Variants in SIRPG observed in about 807,000 individuals in gnomAD.
SIRPG encodes signal-regulatory protein gamma.
SIRPG carries 38 observed loss-of-function variants against 35.7 expected under a neutral mutation model. That is an observed-to-expected ratio of 1.06 (90% CI 0.82 to 1.40). The LOEUF (loss-of-function observed/expected upper bound fraction) is 1.40, where lower values mean the gene tolerates loss of function less well. SIRPG is among the 40% of genes most tolerant of loss of function. The probability of loss-of-function intolerance (pLI) is 0.00; values close to 1 mark genes in which losing one functional copy is unlikely to be tolerated. For missense variants in SIRPG, 519 were observed against 483.0 expected, an observed-to-expected ratio of 1.07 and a Z score of -0.70; for synonymous variants, 215 against 190.4, an observed-to-expected ratio of 1.13 and a Z score of -1.06.
chr20:1,682,912 G>A, the SIRPG span, among the ~76,000 whole-genome samples: 486 of 152,298 alleles, frequency 3.2e-3, 4 homozygotes, highest in African/African-American at 0.011. Context: ...AGAAATGAAT[G>A]TGGGATTACA....
chr20:1,659,677 G>A (rs978825781), upstream of SIRPG, among the ~76,000 whole-genome samples: 4 of 152,134 alleles, frequency 2.6e-5, no homozygotes, highest in Admixed American at 1.3e-4. Flanking sequence ...AAGATCACCC[G>A]GCTTTTAGAA....
chr20:1,657,632 C>T lies in SIRPG; in HGVS notation c.73+10G>A, dbSNP rs763066088. On this transcript the variant is annotated intron_variant, in intron 1 of 5. Coordinates refer to ENST00000303415, the MANE Select transcript of SIRPG (RefSeq NM_018556.4). ...AGGGAGAAAGGGTTCTAGCCCAATG[C>T]AATGCTCACCTGTAAGTCCCAGCAG... The T allele has an allele frequency of 6.2e-7, 1 of 1,613,946 alleles. No homozygotes were observed. Among genetic ancestry groups the T allele is most frequent in the Admixed American group, 1.7e-5 (1 of 60,020 alleles).
At chr20:1,663,007 G>C in the SIRPG span, among the ~76,000 whole-genome samples, 9 of 150,608 alleles carry the variant, frequency 6.0e-5, no homozygotes, top group Non-Finnish European at 1.3e-4. Context: ...GACAGGATTT[G>C]ACTTTTCAAA....
the SIRPG span, among the ~76,000 whole-genome samples, chr20:1,677,244 C>G: frequency 1.3e-5 from 2 of 152,150 alleles, no homozygotes; most frequent in Non-Finnish European, 2.9e-5. Context: ...CCTGAGCCCT[C>G]TTTGGAAGTG....
the SIRPG span, among the ~76,000 whole-genome samples, chr20:1,670,483 G>A: frequency 1.1e-4 from 16 of 152,210 alleles, no homozygotes; most frequent in African/African-American, 3.9e-4. Context: ...AGTGAAATCT[G>A]CAAGCACAAC....
chr20:1,672,479 A>G, the SIRPG span, among the ~76,000 whole-genome samples: 8 of 152,212 alleles, frequency 5.3e-5, no homozygotes, highest in Admixed American at 2.0e-4. Flanking sequence ...CTGAGTAACA[A>G]CTGAAGTCAA....
the SIRPG span, among the ~76,000 whole-genome samples, chr20:1,684,287 TCAAA>T: frequency 6.6e-6 from 1 of 152,140 alleles, no homozygotes; most frequent in Non-Finnish European, 1.5e-5. Flanking sequence ...TATGCTTTTC[TCAAA>T]CAAAAATAAA....
chr20:1,631,537 T>C (rs1335106940), intron 4 of SIRPG, among the ~76,000 whole-genome samples: 5 of 152,228 alleles, frequency 3.3e-5, no homozygotes, highest in African/African-American at 1.2e-4. Flanking sequence ...TCCTGAGGCA[T>C]GCTGACCCTA....
the SIRPG span, among the ~76,000 whole-genome samples, chr20:1,679,491 C>T: frequency 4.6e-5 from 7 of 152,062 alleles, no homozygotes; most frequent in South Asian, 2.1e-4. Context: ...CCCTAACTCC[C>T]AGTAAGACAC....
intron 1 of SIRPG, 85 bp downstream of exon 1, chr20:1,657,557 G>T (rs902746434): frequency 8.3e-6 from 11 of 1,330,312 alleles, no homozygotes; most frequent in Non-Finnish European, 1.1e-5. Context: ...CAGTGCTTGT[G>T]CTTATCTGAA....
At chr20:1,654,010 C>T (rs569552359) in intron 1 of SIRPG, among the ~76,000 whole-genome samples, 70 of 152,170 alleles carry the variant, frequency 4.6e-4, no homozygotes, top group African/African-American at 1.6e-3. Flanking sequence ...GAGGCCGAAG[C>T]GAGCAGATCA....
chr20:1,659,361 A>T (rs991430177), upstream of SIRPG, among the ~76,000 whole-genome samples: 2 of 152,258 alleles, frequency 1.3e-5, no homozygotes, highest in Non-Finnish European at 2.9e-5. Context: ...AATGTGGCAG[A>T]TGTACACAGG....
At chr20:1,674,588 A>C in the SIRPG span, among the ~76,000 whole-genome samples, 1 of 152,124 alleles carries the variant, frequency 6.6e-6, no homozygotes, top group Non-Finnish European at 1.5e-5. Flanking sequence ...TGCACTAACC[A>C]CTGTTCTGCG....
chr20:1,682,357 A>T, the SIRPG span, among the ~76,000 whole-genome samples: 1 of 152,232 alleles, frequency 6.6e-6, no homozygotes, highest in African/African-American at 2.4e-5. Context: ...GGATGGGTCG[A>T]TATTCAGCAA....
chr20:1,671,826 G>A, the SIRPG span, among the ~76,000 whole-genome samples: 95,527 of 152,160 alleles, frequency 0.63, 30,476 homozygotes, highest in East Asian at 0.82. Context: ...CGCTCATGTT[G>A]TTGTTTGTGG....
the SIRPG span, among the ~76,000 whole-genome samples, chr20:1,676,490 C>G: frequency 1.3e-5 from 2 of 152,204 alleles, no homozygotes; most frequent in Non-Finnish European, 2.9e-5. Flanking sequence ...GACGTGGAAT[C>G]TCAATAAGGA....
chr20:1,665,920 C>T, the SIRPG span, among the ~76,000 whole-genome samples: 4 of 151,632 alleles, frequency 2.6e-5, no homozygotes, highest in Non-Finnish European at 5.9e-5. Flanking sequence ...AAAAAAAGAG[C>T]CTCAGGCACG....
At chr20:1,648,209 C>T (rs1052221951) in intron 2 of SIRPG, 1 of 152,214 alleles carries the variant, frequency 6.6e-6, no homozygotes, top group Non-Finnish European at 1.5e-5. Context: ...AAATTGGGCA[C>T]CCCTGAGCCA....
In SIRPG at chr20:1,657,670, C is replaced by T. The variant is rs1200629997; in HGVS notation, c.45G>A (p.Leu15=). 1 of 1,614,180 alleles carries T rather than the reference C, an allele frequency of 6.2e-7. No homozygotes were observed. The highest frequency in any genetic ancestry group is 1.1e-5 in the South Asian group (1 of 91,080). The change falls in exon 1 of 6, where the codon CTG becomes CTA. Residue 15 remains leucine (L), a synonymous_variant. Coordinates refer to ENST00000303415, the MANE Select transcript of SIRPG (RefSeq NM_018556.4). The part of the protein sequence containing the change: ...ASWPHPPGPF[L]LLTLLLGLTE... ...TAAGTCCCAGCAGTAGAGTCAGAAG[C>T]AGGAAAGGACCAGGAGGATGGGGCC...
Sources: gnomAD v4.1 joint callset for allele counts (sites outside exome capture counted in the v4.1 genomes callset) on GRCh38, gnomAD v4.1.1 for gene constraint, MANE v1.5 for transcripts, NCBI Gene and HGNC (gene_info 2026-07-23, HGNC 2026-07-21) for gene names.